Variants in CFAP47 observed in about 807,000 individuals in gnomAD.
The protein encoded by CFAP47 is cilia and flagella associated protein 47.
CFAP47 carries 29 observed loss-of-function variants against 148.1 expected under a neutral mutation model. That is an observed-to-expected ratio of 0.20 (90% CI 0.15 to 0.27). The LOEUF (loss-of-function observed/expected upper bound fraction) is 0.27, where lower values mean the gene tolerates loss of function less well. Among genes scored for constraint, CFAP47 ranks in the 10% least tolerant of loss-of-function variants. The pLI, the probability that CFAP47 is intolerant of heterozygous loss-of-function variation, is 1.00. For missense variants in CFAP47, 1,872 were observed against 1,697.5 expected (o/e 1.10, Z -1.81); for synonymous variants, 664 against 577.3 (o/e 1.15, Z -2.15).
At chrX:36,257,043 A>G (rs1940761396) in intron 49 of CFAP47, among the ~76,000 whole-genome samples, 1 of 112,586 alleles carries the variant, frequency 8.9e-6, no homozygotes, top group Admixed American at 9.4e-5. Flanking sequence ...TAACTAGTGC[A>G]GTTGATTTTT....
At chrX:36,072,065 C>T (rs1482266005) in intron 28 of CFAP47, 94 bp downstream of exon 28, 6 of 671,371 alleles carry the variant, frequency 8.9e-6, no homozygotes, top group Non-Finnish European at 1.3e-5. Flanking sequence ...TTACAAATAA[C>T]AAGAAATTCA....
At chrX:36,190,750 G>T (rs1197932835) in intron 42 of CFAP47, among the ~76,000 whole-genome samples, 1 of 110,875 alleles carries the variant, frequency 9.0e-6, no homozygotes, top group Non-Finnish European at 1.9e-5. Context: ...AGTTAGAGAG[G>T]GGGAGAGAGA....
At chrX:36,314,403 A>G (rs1556010545) in intron 56 of CFAP47, among the ~76,000 whole-genome samples, 1 of 111,409 alleles carries the variant, frequency 9.0e-6, no homozygotes, top group Non-Finnish European at 1.9e-5. Context: ...AGATTTATGG[A>G]CAGCAAAAGG....
intron 51 of CFAP47, among the ~76,000 whole-genome samples, chrX:36,288,569 A>T (rs782238652): frequency 7.1e-5 from 8 of 112,679 alleles, no homozygotes; most frequent in Non-Finnish European, 1.5e-4. Context: ...TGAAAATTGC[A>T]TGATCATTTA....
chrX:36,072,723 T>G (rs1022652575), intron 28 of CFAP47, among the ~76,000 whole-genome samples: 1 of 111,733 alleles, frequency 8.9e-6, no homozygotes, highest in African/African-American at 3.2e-5. Context: ...GTACTTGATT[T>G]GGATAGAAAG....
chrX:36,022,280 G>A (rs1206370512), intron 22 of CFAP47, among the ~76,000 whole-genome samples: 1 of 111,263 alleles, frequency 9.0e-6, no homozygotes, highest in Non-Finnish European at 1.9e-5. Context: ...TTTTTCTTCA[G>A]TACTTTAAAT....
chrX:36,114,126 A>G (rs769119528), intron 33 of CFAP47, among the ~76,000 whole-genome samples: 1 of 111,417 alleles, frequency 9.0e-6, no homozygotes, highest in East Asian at 2.8e-4. Flanking sequence ...TTTTCTTTAT[A>G]GCATTGTCTA....
intron 21 of CFAP47, among the ~76,000 whole-genome samples, chrX:36,012,721 CT>C (rs1401236747): frequency 1.8e-5 from 2 of 111,404 alleles, no homozygotes; most frequent in African/African-American, 3.3e-5. Flanking sequence ...GCATGCGGGG[CT>C]TAAAACCTAG....
intron 26 of CFAP47, among the ~76,000 whole-genome samples, chrX:36,053,089 T>C (rs1435825894): frequency 8.9e-6 from 1 of 111,904 alleles, no homozygotes; most frequent in Non-Finnish European, 1.9e-5. Context: ...ATGTGCCTTT[T>C]TGGGATATTT....
rs533661382 is a variant in CFAP47 at position 35,924,248 on chromosome X, C to T, written c.250-1769C>T. Among the ~76,000 whole-genome samples the T allele has an allele frequency of 6.4e-4, 54 of 84,603 alleles. 5 individuals are homozygous for T. Among genetic ancestry groups the T allele is most frequent in the African/African-American group, 2.8e-3 (45 of 16,051 alleles). The allele number at this position is 84,603 out of a possible 115,157, so 73.5% of individuals were successfully genotyped here. ...GTGTATATATGGACATGTATGTGTG[C>T]ATATGGACATGTATGTGTACATGTA... On this transcript the variant is annotated intron_variant, in intron 1 of 63. Transcript: ENST00000378653.
At chrX:36,076,595 T>C (rs1937862586) in intron 29 of CFAP47, among the ~76,000 whole-genome samples, 1 of 111,190 alleles carries the variant, frequency 9.0e-6, no homozygotes, top group African/African-American at 3.3e-5. Flanking sequence ...ATTTGTTTTT[T>C]GCTTTTAAAC....
At chrX:36,067,607 C>T (rs1038061793) in intron 27 of CFAP47, among the ~76,000 whole-genome samples, 1 of 110,811 alleles carries the variant, frequency 9.0e-6, no homozygotes, top group Non-Finnish European at 1.9e-5. Flanking sequence ...TCTCCTTCCT[C>T]CTACAATGGT....
chrX:36,234,468 G>A (rs782773223), intron 46 of CFAP47, among the ~76,000 whole-genome samples: 1 of 111,854 alleles, frequency 8.9e-6, no homozygotes, highest in African/African-American at 3.2e-5. Context: ...AGCTCCATCA[G>A]CTCCTTTAAG....
intron 18 of CFAP47, among the ~76,000 whole-genome samples, chrX:35,994,499 A>G (rs1460160607): frequency 9.0e-6 from 1 of 111,678 alleles, no homozygotes; most frequent in Non-Finnish European, 1.9e-5. Flanking sequence ...TGAATAGACC[A>G]TAACAATACA....
At chrX:36,096,597 C>T (rs67632887) in intron 30 of CFAP47, among the ~76,000 whole-genome samples, 1 of 109,939 alleles carries the variant, frequency 9.1e-6, no homozygotes, top group African/African-American at 3.3e-5. Flanking sequence ...TATATAATGA[C>T]CTTCTTTGTT....
intron 39 of CFAP47, among the ~76,000 whole-genome samples, chrX:36,176,232 C>G (rs927735334): frequency 1.8e-5 from 2 of 111,493 alleles, no homozygotes; most frequent in Non-Finnish European, 3.8e-5. Flanking sequence ...CCCCGTACCT[C>G]AGATGGAAAT....
intron 53 of CFAP47, among the ~76,000 whole-genome samples, chrX:36,301,916 C>T (rs1011154468): frequency 3.6e-5 from 4 of 110,456 alleles, no homozygotes; most frequent in Non-Finnish European, 5.7e-5. Context: ...AGAGTATACA[C>T]CGTAGTGAGC....
chrX:36,098,632 G>C (rs202139642), intron 30 of CFAP47, among the ~76,000 whole-genome samples, 161 bp from the exon 31 acceptor site: 1 of 111,781 alleles, frequency 8.9e-6, no homozygotes, highest in East Asian at 2.8e-4. Context: ...TCACCCAGTG[G>C]CCACTGCCAC....
chrX:36,267,444 A>G (rs1171964669), intron 49 of CFAP47, among the ~76,000 whole-genome samples: 1 of 109,634 alleles, frequency 9.1e-6, no homozygotes, highest in African/African-American at 3.3e-5. Context: ...GTCTTTGAAA[A>G]TAATTATTGT....
Sources: allele counts gnomAD v4.1 joint callset (sites outside exome capture counted in the v4.1 genomes callset), GRCh38; gene constraint gnomAD v4.1.1; transcripts MANE v1.5; gene names NCBI Gene and HGNC (gene_info 2026-07-23, HGNC 2026-07-21).